PTPN21: variants seen among roughly 807,000 people sequenced by gnomAD.
PTPN21 encodes tyrosine-protein phosphatase non-receptor type 21.
Under a neutral mutation model 131.8 loss-of-function variants are expected in PTPN21, and 77 were observed. The ratio of observed to expected loss-of-function variants is 0.58; its 90% CI spans 0.49 to 0.71. PTPN21 has a LOEUF of 0.71. Ranked by LOEUF, PTPN21 falls within the 30% of genes least tolerant of loss-of-function variation. PTPN21 has a pLI of 0.00. For synonymous variants in PTPN21, 715 were observed against 621.3 expected, an observed-to-expected ratio of 1.15 and a Z score of -2.24; for missense variants, 1,552 against 1,527.1, an observed-to-expected ratio of 1.02 and a Z score of -0.27.
At chr14:88,505,281 C>T in intron 5 of PTPN21, 23 bp downstream of exon 5, 1 of 1,539,856 alleles carries the variant, frequency 6.5e-7, no homozygotes, top group East Asian at 2.3e-5. Context: ...TTTTAAAAGG[C>T]CCAGTGTCAA....
At chr14:88,480,535 G>A (rs1045402427) in intron 12 of PTPN21, among the ~76,000 whole-genome samples, 183 bp from the exon 13 acceptor site, 3 of 152,150 alleles carry the variant, frequency 2.0e-5, no homozygotes, top group African/African-American at 7.2e-5. Flanking sequence ...CTCATCTATA[G>A]GATGGGCATG....
chr14:88,512,600 T>G (rs1175145372), intron 3 of PTPN21: 1 of 152,212 alleles, frequency 6.6e-6, no homozygotes, highest in Non-Finnish European at 1.5e-5. Flanking sequence ...AATCATTAGA[T>G]TTAGAGCAGC....
intron 3 of PTPN21, among the ~76,000 whole-genome samples, chr14:88,509,907 A>G (rs1011462324): frequency 1.3e-5 from 2 of 152,160 alleles, no homozygotes; most frequent in Non-Finnish European, 2.9e-5. Flanking sequence ...GTGGTGGCAC[A>G]TGCCTGTAGT....
At chr14:88,509,365 G>A (rs1050455882) in intron 3 of PTPN21, among the ~76,000 whole-genome samples, 1 of 152,174 alleles carries the variant, frequency 6.6e-6, no homozygotes, top group African/African-American at 2.4e-5. Flanking sequence ...TACAGTTCAT[G>A]TTTGAATTCC....
chr14:88,493,544 G>A (rs908321732), intron 10 of PTPN21, among the ~76,000 whole-genome samples: 1 of 152,172 alleles, frequency 6.6e-6, no homozygotes, highest in African/African-American at 2.4e-5. Context: ...AGGACGGGGC[G>A]GGTGAGAGGC....
In PTPN21 at chr14:88,508,655, TCTTTA is replaced by T. The variant is rs1028746560; in HGVS notation, c.351-640_351-636del. On this transcript the variant is annotated intron_variant, in intron 3 of 18. Coordinates refer to ENST00000556564, the MANE Select transcript of PTPN21 (RefSeq NM_007039.4). ...GGAGAAATGGAAAGCCAGTGGCTAA[TCTTTA>T]CTTTAAAAACTCTGACTAGTAACTT... 9.2e-4 allele frequency among the ~76,000 whole-genome samples: 140 copies of T among 152,320 alleles called. 1 individual carries two copies. The highest frequency in any genetic ancestry group is 3.2e-3 in the African/African-American group (131 of 41,580).
At chr14:88,475,864 G>A (rs1595345244) in intron 13 of PTPN21, among the ~76,000 whole-genome samples, 1 of 152,194 alleles carries the variant, frequency 6.6e-6, no homozygotes, top group African/African-American at 2.4e-5. Context: ...GATTGGCTGT[G>A]AGGTCAGTTC....
intron 13 of PTPN21, 53 bp from the exon 14 acceptor site, chr14:88,473,855 G>C: frequency 1.3e-6 from 2 of 1,507,496 alleles, no homozygotes; most frequent in Non-Finnish European, 1.8e-6. Flanking sequence ...CAACCCCTGT[G>C]AAAAGAAGTT....
chr14:88,522,243 A>C (rs999767837), intron 2 of PTPN21, among the ~76,000 whole-genome samples: 10 of 151,888 alleles, frequency 6.6e-5, no homozygotes, highest in African/African-American at 2.4e-4. Context: ...CCTGGCCAAC[A>C]TGGTGAAACT....
At chr14:88,546,598 G>A (rs1031962565) in intron 2 of PTPN21, among the ~76,000 whole-genome samples, 1 of 145,542 alleles carries the variant, frequency 6.9e-6, no homozygotes, top group African/African-American at 2.5e-5. Flanking sequence ...AAAAAAAATT[G>A]TCATTATAGA....
chr14:88,508,661 C>A (rs549941188), intron 3 of PTPN21, among the ~76,000 whole-genome samples: 1 of 152,016 alleles, frequency 6.6e-6, no homozygotes, highest in Non-Finnish European at 1.5e-5. Context: ...CTAATCTTTA[C>A]TTTAAAAACT....
intron 10 of PTPN21, chr14:88,493,114 C>T: frequency 2.2e-6 from 1 of 456,292 alleles, no homozygotes; most frequent in Non-Finnish European, 4.4e-6. Context: ...AGTCTCCATA[C>T]CTTCATCAAT....
chr14:88,544,605 A>C (rs1250717708), intron 2 of PTPN21, among the ~76,000 whole-genome samples: 1 of 152,174 alleles, frequency 6.6e-6, no homozygotes, highest in Non-Finnish European at 1.5e-5. Context: ...TGGGAAATTA[A>C]GTGATTTAAT....
At chr14:88,545,220 T>C (rs1295101265) in intron 2 of PTPN21, among the ~76,000 whole-genome samples, 2 of 152,242 alleles carry the variant, frequency 1.3e-5, no homozygotes, top group East Asian at 1.9e-4. Context: ...CTGGTTCCCA[T>C]GTGCCCTAAC....
rs568995191 is a variant in PTPN21 at position 88,507,706 on chromosome 14, C to CTATA, written c.448+213_448+216dup. Among the ~76,000 whole-genome samples, 384 of 152,178 alleles carry CTATA rather than the reference C, an allele frequency of 2.5e-3. 1 individual carries two copies. The highest frequency in any genetic ancestry group is 9.0e-3 in the African/African-American group (372 of 41,530). ...TTATTGTACTGTTTGCTCTGTTGACCTATAACATGATTAACTTCCAGAAGT... is the reference window on the plus strand; with the variant it reads ...TTATTGTACTGTTTGCTCTGTTGACCTATATATAACATGATTAACTTCCAGAAGT... On this transcript the variant is annotated intron_variant, in intron 4 of 18. Coordinates refer to ENST00000556564, the MANE Select transcript of PTPN21 (RefSeq NM_007039.4).
chr14:88,523,902 G>A (rs1166974386), intron 2 of PTPN21, among the ~76,000 whole-genome samples: 1 of 152,098 alleles, frequency 6.6e-6, no homozygotes, highest in Non-Finnish European at 1.5e-5. Context: ...AACAAAATAT[G>A]TAGGAATAAA....
Position 88,483,037 on chromosome 14 carries a change from C to T in PTPN21, c.1078+2039G>A, listed in dbSNP as rs540503974. ...ACCATCCTGGCTAACACGGTGAAAC[C>T]CCGTCTCTACTAAAAATACAAAAAA... On this transcript the variant is annotated intron_variant, in intron 12 of 18. Coordinates refer to ENST00000556564, the MANE Select transcript of PTPN21 (RefSeq NM_007039.4). Among the ~76,000 whole-genome samples, 24 of 151,782 alleles carry T rather than the reference C, an allele frequency of 1.6e-4. 1 individual carries two copies. Among genetic ancestry groups the T allele is most frequent in the Non-Finnish European group, 3.1e-4 (21 of 67,926 alleles).
intron 2 of PTPN21, among the ~76,000 whole-genome samples, chr14:88,526,403 A>G (rs2078476163): frequency 6.6e-6 from 1 of 151,902 alleles, no homozygotes. Flanking sequence ...CAAAAAACTT[A>G]GCTAGGCATG....
At position 88,479,666 on chromosome 14, in the gene PTPN21, T is replaced by C. The variant is rs768323423; in HGVS notation, c.1765A>G (p.Ser589Gly). 6.6e-7 allele frequency: 1 copy of C among 1,510,482 alleles called. No homozygotes were observed. Among genetic ancestry groups the C allele is most frequent in the Non-Finnish European group, 8.8e-7 (1 of 1,136,602 alleles). The allele number at this position is 1,510,482 out of a possible 1,614,324, so 93.6% of individuals were successfully genotyped here. ...PDLSRHLYIS[S>G]SNPDLITRRV... is the part of the protein sequence containing the mutation. ...CGCGTGATGAGGTCGGGGTTGCTGC[T>C]GCTGATGTAAAGGTGGCGGGACAGG... The change falls in exon 13 of 19, where the codon AGC (serine) becomes GGC (glycine). Residue 589 changes from serine to glycine, a missense_variant. Physicochemically the swap from Ser to Gly is moderately conservative, Grantham distance 56. Coordinates refer to ENST00000556564, the MANE Select transcript of PTPN21 (RefSeq NM_007039.4).
Sources: allele counts gnomAD v4.1 joint callset (sites outside exome capture counted in the v4.1 genomes callset), GRCh38; gene constraint gnomAD v4.1.1; transcripts MANE v1.5; gene names NCBI Gene and HGNC (gene_info 2026-07-23, HGNC 2026-07-21).